The following MAP2K6 variants were observed in gnomAD, a reference collection of about 807,000 sequenced individuals.
MAP2K6 encodes mitogen-activated protein kinase kinase 6.
In MAP2K6, 16 loss-of-function variants were observed where a neutral mutation model predicts 53.7. That is an observed-to-expected ratio of 0.30 (90% CI 0.20 to 0.45). The LOEUF (loss-of-function observed/expected upper bound fraction) is 0.45. Among genes scored for constraint, MAP2K6 ranks in the 20% least tolerant of loss-of-function variants. The probability of loss-of-function intolerance (pLI) is 1.00; values close to 1 mark genes in which losing one functional copy is unlikely to be tolerated. For synonymous variants in MAP2K6, 132 were observed against 143.1 expected, an observed-to-expected ratio of 0.92 and a Z score of 0.55; for missense variants, 204 against 411.9, an observed-to-expected ratio of 0.50 and a Z score of 4.37.
intron 11 of MAP2K6, among the ~76,000 whole-genome samples, chr17:69,540,529 G>A (rs1911562956): frequency 6.6e-6 from 1 of 152,192 alleles, no homozygotes; most frequent in Non-Finnish European, 1.5e-5. Flanking sequence ...GGCACTTATT[G>A]TAACAAAATT....
chr17:69,549,546 A>T lies in MAP2K6; in HGVS notation c.*7793A>T, dbSNP rs1912012209. The T allele has an allele frequency of 6.6e-6, 1 of 152,208 alleles. No individual in the cohort carries two copies. The highest frequency in any genetic ancestry group is 2.4e-5 in the African/African-American group (1 of 41,450). The allele number at this position is 152,208 out of a possible 1,614,324, so 9.4% of individuals were successfully genotyped here. On this transcript the variant is annotated 3_prime_UTR_variant, in exon 12 of 12. Coordinates refer to ENST00000590474, the MANE Select transcript of MAP2K6 (RefSeq NM_002758.4). ...GAACTGATCTGGCCATTTTCATATAACAAAAATCAAAGTCAACAATTTTGT... is the reference window on the plus strand; with the variant it reads ...GAACTGATCTGGCCATTTTCATATATCAAAAATCAAAGTCAACAATTTTGT...
chr17:69,418,368 T>C (rs1391818758), intron 1 of MAP2K6, among the ~76,000 whole-genome samples: 1 of 152,140 alleles, frequency 6.6e-6, no homozygotes, highest in Non-Finnish European at 1.5e-5. Context: ...CTTTAATGAC[T>C]CCCCAGTATT....
chr17:69,504,678 C>T (rs944241210), intron 1 of MAP2K6: 3 of 153,504 alleles, frequency 2.0e-5, no homozygotes, highest in South Asian at 2.1e-4. Context: ...AACCCCAGGC[C>T]CTTGTTTGCT....
At chr17:69,448,944 G>A (rs190469427) in intron 1 of MAP2K6, among the ~76,000 whole-genome samples, 17 of 152,334 alleles carry the variant, frequency 1.1e-4, no homozygotes, top group Non-Finnish European at 4.4e-5. Flanking sequence ...AGCTGTTGCA[G>A]GTGATCAGCC....
intron 1 of MAP2K6, among the ~76,000 whole-genome samples, chr17:69,479,817 G>A (rs1418644299): frequency 6.6e-6 from 1 of 151,150 alleles, no homozygotes; most frequent in Non-Finnish European, 1.5e-5. Flanking sequence ...GGGTTCAAGC[G>A]ATTCTCCTGC....
chr17:69,519,582 C>T (rs910036381), intron 5 of MAP2K6, 150 bp downstream of exon 5: 5 of 842,234 alleles, frequency 5.9e-6, no homozygotes, highest in Non-Finnish European at 9.1e-6. Flanking sequence ...GATGACATGC[C>T]CTGGAGCAAG....
intron 7 of MAP2K6, 76 bp downstream of exon 7, chr17:69,521,176 C>G: frequency 7.5e-7 from 1 of 1,340,266 alleles, no homozygotes; most frequent in Non-Finnish European, 1.1e-6. Flanking sequence ...TCTCTACCCC[C>G]AGTCCCCCAT....
rs182134090 is a variant in MAP2K6, at chr17:69,448,996, C to T, written c.16+33996C>T. Among the ~76,000 whole-genome samples, 7 of 152,272 alleles carry T rather than the reference C, an allele frequency of 4.6e-5. No homozygotes were observed. The East Asian group carries it at 9.7e-4, about 21-fold the overall frequency. On this transcript the variant is annotated intron_variant, in intron 1 of 11. Transcript: ENST00000590474. ...GGTTAAGGGCAAAGGCCGGCACTCC[C>T]GGGTTACAGTCTTTGAAAGGGATAC...
chr17:69,540,064 C>T (rs1055604421), intron 11 of MAP2K6, among the ~76,000 whole-genome samples: 1 of 152,140 alleles, frequency 6.6e-6, no homozygotes, highest in Non-Finnish European at 1.5e-5. Context: ...TACTTAATCG[C>T]GACCAGCTAT....
chr17:69,510,057 C>G (rs557922976), intron 2 of MAP2K6, among the ~76,000 whole-genome samples: 2 of 152,090 alleles, frequency 1.3e-5, no homozygotes, highest in Non-Finnish European at 2.9e-5. Context: ...GTTGCCCAGG[C>G]TGGTCTTGAA....
chr17:69,474,949 C>T (rs376496989), intron 1 of MAP2K6, among the ~76,000 whole-genome samples: 45 of 152,214 alleles, frequency 3.0e-4, no homozygotes, highest in African/African-American at 9.6e-4. Flanking sequence ...CCCTTAATTG[C>T]CTTAGAAGCC....
At chr17:69,439,337 C>G (rs1906744937) in intron 1 of MAP2K6, among the ~76,000 whole-genome samples, 1 of 152,196 alleles carries the variant, frequency 6.6e-6, no homozygotes, top group Non-Finnish European at 1.5e-5. Context: ...AGTCATACAT[C>G]CATATGCTGA....
At chr17:69,509,758 G>GT (rs1909715463) in intron 2 of MAP2K6, among the ~76,000 whole-genome samples, 2 of 152,058 alleles carry the variant, frequency 1.3e-5, no homozygotes, top group Non-Finnish European at 2.9e-5. Context: ...CGAACTGTAG[G>GT]TTTTTTGTAG....
chr17:69,449,489 C>CCTTTCTTTCTTT lies in MAP2K6; in HGVS notation c.16+34490_16+34501dup, dbSNP rs145557739. 3.8e-4 allele frequency among the ~76,000 whole-genome samples: 46 copies of CCTTTCTTTCTTT among 121,120 alleles called. No homozygotes were observed. In the East Asian group the frequency reaches 8.3e-3, roughly 22 times the overall value. The allele number at this position is 121,120 out of a possible 152,430, so 79.5% of individuals were successfully genotyped here. On this transcript the variant is annotated intron_variant, in intron 1 of 11. Coordinates refer to ENST00000590474, the MANE Select transcript of MAP2K6 (RefSeq NM_002758.4). ...CAGAGTCCTCTGAGGTGTTGGTTGT[C>CCTTTCTTTCTTT]CTTTCTTTCTTTTTTCTTTCTTTCT...
rs1198317194 is a variant in MAP2K6 at position 69,541,810 on chromosome 17, G to A, written c.*57G>A. 29 of 1,287,980 alleles carry A rather than the reference G, an allele frequency of 2.3e-5. No homozygotes were observed. The highest frequency in any genetic ancestry group is 2.9e-5 in the Non-Finnish European group (26 of 890,084). The allele number at this position is 1,287,980 out of a possible 1,614,324, so 79.8% of individuals were successfully genotyped here. The stretch of plus-strand genomic sequence containing the variant: ...GTGGATTGGTGGGTTTCGGGGTGAA[G>A]CAAGTTCACTACAGCATCAATAGAA... On this transcript the variant is annotated 3_prime_UTR_variant, in exon 12 of 12. Coordinates refer to ENST00000590474, the MANE Select transcript of MAP2K6 (RefSeq NM_002758.4).
intron 1 of MAP2K6, among the ~76,000 whole-genome samples, chr17:69,423,177 C>G (rs1461999540): frequency 6.6e-6 from 1 of 152,124 alleles, no homozygotes; most frequent in African/African-American, 2.4e-5. Context: ...GCCATCGTGC[C>G]CGGCCAAGCC....
At chr17:69,521,164 C>A (rs752194353) in intron 7 of MAP2K6, 64 bp downstream of exon 7, 1 of 1,443,870 alleles carries the variant, frequency 6.9e-7, no homozygotes, top group East Asian at 2.3e-5. Flanking sequence ...ACCTGGAGTC[C>A]GTCTCTACCC....
chr17:69,508,941 G>A (rs1339272722), intron 2 of MAP2K6, among the ~76,000 whole-genome samples: 7 of 152,098 alleles, frequency 4.6e-5, no homozygotes, highest in African/African-American at 7.2e-5. Flanking sequence ...AGTTATTTCC[G>A]CATTGTTTAT....
At position 69,545,145 on chromosome 17, in the gene MAP2K6, C is replaced by A. The variant is rs1045908953; in HGVS notation, c.*3392C>A. ...TGAAGATAATTTCAAATGAAGATTT[C>A]CACACCCCGCCCCCACCACCCCTGC... On this transcript the variant is annotated 3_prime_UTR_variant, in exon 12 of 12. Transcript: ENST00000590474. The A allele has an allele frequency of 2.0e-5, 3 of 152,028 alleles. No homozygotes were observed. The highest frequency in any genetic ancestry group is 2.9e-5 in the Non-Finnish European group (2 of 68,014). 9.4% of individuals were successfully genotyped at this position (152,028 alleles called of 1,614,324 possible).
Sources: allele counts gnomAD v4.1 joint callset (sites outside exome capture counted in the v4.1 genomes callset), GRCh38; gene constraint gnomAD v4.1.1; transcripts MANE v1.5; gene names NCBI Gene and HGNC (gene_info 2026-07-23, HGNC 2026-07-21).